Variants in MIX23 observed in about 807,000 individuals in gnomAD.
MIX23 encodes mitochondrial matrix import factor 23.
A neutral mutation model predicts 21.6 loss-of-function variants in MIX23; 13 were observed. That is an observed-to-expected ratio of 0.60 (90% CI 0.39 to 0.96). MIX23 has a LOEUF of 0.96. Among genes scored for constraint, MIX23 ranks in the 40% least tolerant of loss-of-function variants. MIX23 has a pLI of 0.00. For synonymous variants in MIX23, 59 were observed against 58.0 expected, an observed-to-expected ratio of 1.02 and a Z score of -0.08; for missense variants, 144 against 171.2, an observed-to-expected ratio of 0.84 and a Z score of 0.89.
rs780663102 is a variant in MIX23, at chr3:122,360,865, C to T, written c.385-946G>A. ...TTTTTATTTATTTATTTTTTTGAGA[C>T]GGAGTTTCGCTCTTGTCGCCCAGGC... is the stretch of plus-strand genomic sequence containing the variant. On this transcript the variant is annotated intron_variant, in intron 4 of 4. Transcript: ENST00000291458. Among the ~76,000 whole-genome samples the T allele has an allele frequency of 5.3e-5, 8 of 152,132 alleles. No homozygotes were observed. In the East Asian group the frequency reaches 5.8e-4, roughly 11 times the overall value.
intron 3 of MIX23, among the ~76,000 whole-genome samples, chr3:122,364,595 T>C (rs557958909): frequency 2.6e-5 from 4 of 152,284 alleles, no homozygotes; most frequent in Admixed American, 6.5e-5. Context: ...TTTCACAATA[T>C]GAAAATCTTC....
intron 1 of MIX23, among the ~76,000 whole-genome samples, chr3:122,378,717 T>C (rs777840248): frequency 6.6e-6 from 1 of 152,246 alleles, no homozygotes; most frequent in East Asian, 1.9e-4. Context: ...CCGTTGTATA[T>C]GTAGTCAGTC....
At chr3:122,376,062 C>T (rs1261939514) in intron 1 of MIX23, among the ~76,000 whole-genome samples, 2 of 145,946 alleles carry the variant, frequency 1.4e-5, no homozygotes, top group Middle Eastern at 3.8e-3. Context: ...CTTGGGGAGG[C>T]TGAGGCAGGA....
chr3:122,367,015 T>C (rs190108171), intron 3 of MIX23, among the ~76,000 whole-genome samples: 109 of 152,228 alleles, frequency 7.2e-4, no homozygotes, highest in Non-Finnish European at 1.2e-3. Flanking sequence ...TAGAAATAAC[T>C]AATGAGTTTA....
At chr3:122,375,447 G>A (rs2075477913) in intron 1 of MIX23, among the ~76,000 whole-genome samples, 1 of 152,210 alleles carries the variant, frequency 6.6e-6, no homozygotes, top group South Asian at 2.1e-4. Flanking sequence ...GTGTTAGAAA[G>A]TTGTAATCTT....
chr3:122,377,485 T>C (rs558792402), intron 1 of MIX23, among the ~76,000 whole-genome samples: 1 of 152,324 alleles, frequency 6.6e-6, no homozygotes, highest in Non-Finnish European at 1.5e-5. Context: ...AAAAATTCTG[T>C]GATGTCACGG....
chr3:122,367,412 A>G (rs2075405009), intron 3 of MIX23, among the ~76,000 whole-genome samples: 1 of 152,218 alleles, frequency 6.6e-6, no homozygotes, highest in Non-Finnish European at 1.5e-5. Flanking sequence ...CACGTCACAT[A>G]CAAGTGCTGT....
At chr3:122,361,282 T>C (rs1039599347) in intron 4 of MIX23, among the ~76,000 whole-genome samples, 2 of 152,240 alleles carry the variant, frequency 1.3e-5, no homozygotes, top group African/African-American at 4.8e-5. Flanking sequence ...GTAGAAATTA[T>C]ATAGACTCTG....
chr3:122,373,236 A>G (rs1348417091), intron 1 of MIX23, among the ~76,000 whole-genome samples: 1 of 151,844 alleles, frequency 6.6e-6, no homozygotes, highest in African/African-American at 2.4e-5. Context: ...AAGACATTAT[A>G]TTATGAGCAT....
At chr3:122,380,563 C>T (rs2075523023) in intron 1 of MIX23, among the ~76,000 whole-genome samples, 1 of 151,988 alleles carries the variant, frequency 6.6e-6, no homozygotes, top group African/African-American at 2.4e-5. Context: ...TTTAAACATG[C>T]ATGTTGAAGT....
chr3:122,378,775 C>G (rs1395107397), intron 1 of MIX23, among the ~76,000 whole-genome samples: 1 of 152,206 alleles, frequency 6.6e-6, no homozygotes, highest in Non-Finnish European at 1.5e-5. Flanking sequence ...ATCAATTTTT[C>G]TGTGTGTACT....
At chr3:122,372,224 C>CAAAAAA (rs55800173) in intron 1 of MIX23, among the ~76,000 whole-genome samples, 3 of 46,076 alleles carry the variant, frequency 6.5e-5, no homozygotes, top group African/African-American at 9.2e-5. Context: ...CTCCAACTCT[C>CAAAAAA]AAAAAAAAAA....
intron 3 of MIX23, among the ~76,000 whole-genome samples, chr3:122,364,223 G>A (rs756674010): frequency 3.9e-5 from 6 of 152,214 alleles, no homozygotes; most frequent in African/African-American, 1.4e-4. Context: ...CAGAACTGGC[G>A]TCAAAGCGTA....
chr3:122,360,074 C>CA (rs1184776640), intron 4 of MIX23, among the ~76,000 whole-genome samples, 155 bp from the exon 5 acceptor site: 1 of 152,102 alleles, frequency 6.6e-6, no homozygotes, highest in African/African-American at 2.4e-5. Flanking sequence ...GCAGTTCAAA[C>CA]TGACTTATGA....
intron 3 of MIX23, among the ~76,000 whole-genome samples, chr3:122,363,894 G>A (rs2075377722): frequency 6.6e-6 from 1 of 152,148 alleles, no homozygotes; most frequent in African/African-American, 2.4e-5. Flanking sequence ...GGAAAAAGCT[G>A]GCTAGTTCCA....
intron 3 of MIX23, among the ~76,000 whole-genome samples, chr3:122,366,917 G>A (rs1472909917): frequency 2.0e-5 from 3 of 150,896 alleles, no homozygotes; most frequent in South Asian, 2.1e-4. Context: ...CAGCCTAGGT[G>A]ACAGAGTGAG....
chr3:122,368,520 T>C (rs1356704811), intron 2 of MIX23, among the ~76,000 whole-genome samples, 198 bp from the exon 3 acceptor site: 1 of 152,180 alleles, frequency 6.6e-6, no homozygotes, highest in African/African-American at 2.4e-5. Context: ...TCTCTGAGGG[T>C]GGAAGGTATG....
intron 1 of MIX23, among the ~76,000 whole-genome samples, chr3:122,375,093 C>A (rs1242268167): frequency 6.6e-6 from 1 of 152,092 alleles, no homozygotes; most frequent in South Asian, 2.1e-4. Flanking sequence ...ATGATTGCAC[C>A]ACTGCACTCC....
At chr3:122,365,096 G>A (rs2075386993) in intron 3 of MIX23, among the ~76,000 whole-genome samples, 2 of 152,186 alleles carry the variant, frequency 1.3e-5, no homozygotes, top group African/African-American at 4.8e-5. Context: ...CTTTGAGACT[G>A]TAGGTCTTCA....
Sources: allele counts gnomAD v4.1 joint callset (sites outside exome capture counted in the v4.1 genomes callset), GRCh38; gene constraint gnomAD v4.1.1; transcripts MANE v1.5; gene names NCBI Gene and HGNC (gene_info 2026-07-23, HGNC 2026-07-21).